Variants in OTOF observed in about 807,000 individuals in gnomAD.
OTOF encodes fer-1-like family member 2.
A neutral mutation model predicts 236.8 loss-of-function variants in OTOF; 218 were observed. The ratio of observed to expected loss-of-function variants is 0.92; its 90% CI spans 0.82 to 1.03. The LOEUF (loss-of-function observed/expected upper bound fraction) is 1.03. Among genes scored for constraint, OTOF ranks in the 50% least tolerant of loss-of-function variants. The pLI, the probability that OTOF is intolerant of heterozygous loss-of-function variation, is 0.00. For missense variants in OTOF, 2,590 were observed against 2,694.4 expected (o/e 0.96, Z 0.86); for synonymous variants, 1,041 against 1,072.5 (o/e 0.97, Z 0.57).
rs1333639499 is a variant in OTOF at position 26,477,444 on chromosome 2, T to G, written c.2378A>C (p.Glu793Ala). 4 of 1,598,788 alleles carry G rather than the reference T, an allele frequency of 2.5e-6. No individual in the cohort carries two copies. In the South Asian group the frequency reaches 4.5e-5, roughly 18 times the overall value. Residue 793 changes from glutamate (E) to alanine (A), a missense_variant, in exon 20 of 47, where the codon GAG becomes GCG. This residue lies in a region of OTOF where 1,379 missense variants were observed against 1,341.6 expected (regional missense o/e 1.03). Coordinates refer to ENST00000272371, the MANE Select transcript of OTOF (RefSeq NM_194248.3). The surrounding 1 kb of genome is among the most constrained non-coding windows in gnomAD (Gnocchi z 4.7). ...CTCCCTCATGCAGGACTTGAGGCGC[T>G]CCCGGTCAAGCCTGGTGCGGGATGA... is the stretch of plus-strand genomic sequence containing the variant. ...GHSSRTRLDR[E>A]RLKSCMRELE...
intron 36 of OTOF, 31 bp downstream of exon 36, chr2:26,466,682 CT>C: frequency 6.2e-6 from 10 of 1,613,764 alleles, no homozygotes; most frequent in Non-Finnish European, 8.5e-6. Flanking sequence ...GATGAGGAGA[CT>C]TGCAAGGAGG....
intron 40 of OTOF, 61 bp downstream of exon 40, chr2:26,463,903 A>G: frequency 1.9e-6 from 3 of 1,600,620 alleles, no homozygotes; most frequent in Admixed American, 1.7e-5. Context: ...TTACTGACTC[A>G]GGTTGGGGAT....
rs1664696622 is a variant in OTOF at position 26,465,785 on chromosome 2, A to G, written c.4686T>C (p.Tyr1562=). The G allele has an allele frequency of 6.2e-7, 1 of 1,614,194 alleles. No individual in the cohort carries two copies. Among genetic ancestry groups the G allele is most frequent in the Non-Finnish European group, 8.5e-7 (1 of 1,180,028 alleles). Residue 1562 remains tyrosine, a synonymous_variant, in exon 38 of 47, where the codon TAT becomes TAC. Transcript: ENST00000272371. The part of the protein sequence containing the change: ...PMESMLTVAV[Y]DWDLVGTDDL... ...CATCAGTGCCCACCAGGTCCCAGTC[A>G]TACACAGCCACCGTCAGCATGGATT...
intron 1 of OTOF, among the ~76,000 whole-genome samples, chr2:26,551,469 C>G (rs977355803): frequency 6.6e-6 from 1 of 152,236 alleles, no homozygotes; most frequent in African/African-American, 2.4e-5. Flanking sequence ...CTTCCCCTAA[C>G]TGACTCTGGC....
Position 26,489,738 on chromosome 2 carries a change from G to A in OTOF, c.900C>T (p.Tyr300=). 1.2e-6 allele frequency: 2 copies of A among 1,612,382 alleles called. No individual in the cohort carries two copies. Among genetic ancestry groups the A allele is most frequent in the Non-Finnish European group, 1.7e-6 (2 of 1,179,418 alleles). ...ESTNCPYYNE[Y]FVFDFHVSPD... Reference sequence around the variant, plus strand: ...GAGAGACATGGAAGTCGAAGACGAAGTACTGGAGGGGGAAGGATCCAGGCC... The same window carrying A: ...GAGAGACATGGAAGTCGAAGACGAAATACTGGAGGGGGAAGGATCCAGGCC... Residue 300 remains tyrosine, a splice_region_variant and synonymous_variant, in exon 10 of 47, where the codon TAC becomes TAT. Coordinates refer to ENST00000272371, the MANE Select transcript of OTOF (RefSeq NM_194248.3).
intron 5 of OTOF, among the ~76,000 whole-genome samples, chr2:26,509,965 T>C (rs1666341715): frequency 6.6e-6 from 1 of 152,164 alleles, no homozygotes; most frequent in South Asian, 2.1e-4. Context: ...CCACCTTGGC[T>C]ACCACTGCCC....
At chr2:26,538,174 G>A (rs1489212552) in intron 1 of OTOF, among the ~76,000 whole-genome samples, 1 of 152,210 alleles carries the variant, frequency 6.6e-6, no homozygotes, top group Non-Finnish European at 1.5e-5. Flanking sequence ...CTGAGCAGAA[G>A]CCTAGTATAG....
intron 24 of OTOF, 41 bp from the exon 25 acceptor site, chr2:26,475,534 G>GA: frequency 6.2e-7 from 1 of 1,605,348 alleles, no homozygotes; most frequent in South Asian, 1.1e-5. Context: ...AGTGACAGAG[G>GA]GGGGGGCAGA....
chr2:26,457,930 A>G lies in OTOF; in HGVS notation c.*308T>C, dbSNP rs1664263713. ...GGAGGCAGGCTCGGCCCAAGGCATG[A>G]AGAGTGGACGCTGGGCTCCTCAGGC... On this transcript the variant is annotated 3_prime_UTR_variant, in exon 47 of 47. Transcript: ENST00000272371. The surrounding 1 kb of genome is among the most constrained non-coding windows in gnomAD (Gnocchi z 4.4). 7 of 1,139,880 alleles carry G rather than the reference A, an allele frequency of 6.1e-6. No individual in the cohort carries two copies. Among genetic ancestry groups the G allele is most frequent in the Non-Finnish European group, 7.6e-6 (6 of 791,310 alleles). 70.6% of individuals were successfully genotyped at this position (1,139,880 alleles called of 1,614,324 possible).
In OTOF at chr2:26,476,328, G is replaced by A; in HGVS notation, c.2677-11C>T. ...CCGCTTCCCTGGCAGCTGGGGGTGG[G>A]CATGGGGTCACCAGGAGCCTGACGG... On this transcript the variant is annotated splice_polypyrimidine_tract_variant and intron_variant, in intron 22 of 46. Coordinates refer to ENST00000272371, the MANE Select transcript of OTOF (RefSeq NM_194248.3). 1 of 1,600,334 alleles carries A rather than the reference G, an allele frequency of 6.2e-7. No homozygotes were observed.
chr2:26,532,705 T>A (rs79930137), intron 2 of OTOF, among the ~76,000 whole-genome samples: 3,999 of 152,016 alleles, frequency 0.026, 156 homozygotes, highest in African/African-American at 0.09. Flanking sequence ...CGGGGAGTGC[T>A]GAGTCCTGAC....
At chr2:26,522,294 C>G (rs1443806316) in intron 3 of OTOF, among the ~76,000 whole-genome samples, 1 of 152,144 alleles carries the variant, frequency 6.6e-6, no homozygotes, top group African/African-American at 2.4e-5. Flanking sequence ...GTTTTATAAA[C>G]CTTGACTCTT....
At chr2:26,516,350 GACCAGGC>G in intron 5 of OTOF, 61 bp downstream of exon 5, 1 of 1,442,178 alleles carries the variant, frequency 6.9e-7, no homozygotes, top group Non-Finnish European at 9.6e-7. Flanking sequence ...CTGTCAGTAG[GACCAGGC>G]CCCAGGTCTC....
intron 5 of OTOF, among the ~76,000 whole-genome samples, chr2:26,513,784 C>T (rs1270942498): frequency 2.0e-5 from 3 of 152,238 alleles, no homozygotes; most frequent in African/African-American, 4.8e-5. Flanking sequence ...GAGGCACTGA[C>T]ACCCCTTCCC....
chr2:26,473,442 G>T lies in OTOF; in HGVS notation c.3534C>A (p.Asn1178Lys). 3.1e-6 allele frequency: 5 copies of T among 1,613,424 alleles called. No individual in the cohort carries two copies. The highest frequency in any genetic ancestry group is 4.2e-6 in the Non-Finnish European group (5 of 1,179,996). Residue 1178 changes from asparagine (N) to lysine (K), a missense_variant, in exon 28 of 47, where the codon AAC becomes AAA. Physicochemically the swap from Asn to Lys is moderately conservative, Grantham distance 94. Coordinates refer to ENST00000272371, the MANE Select transcript of OTOF (RefSeq NM_194248.3). This position sits in a 1 kb window ranked among gnomAD's most constrained non-coding sequence, Gnocchi z 7.2. ...ACTTGACGAGGGTGTTGAAGTTGGG[G>T]TTCTTCTTATAATTGTGGATCAGGG... ...QSSLIHNYKK[N>K]PNFNTLVKWF... is the part of the protein sequence containing the mutation.
intron 5 of OTOF, chr2:26,510,646 G>C: frequency 8.8e-7 from 1 of 1,134,330 alleles, no homozygotes; most frequent in Non-Finnish European, 1.2e-6. Flanking sequence ...AGCCTGTGGG[G>C]AGGAGGCCTC....
At chr2:26,484,398 C>T (rs1558492533) in intron 12 of OTOF, 76 bp downstream of exon 12, 2 of 1,536,030 alleles carry the variant, frequency 1.3e-6, no homozygotes, top group Non-Finnish European at 9.0e-7. Context: ...GTGCTCTCAG[C>T]AAACCCTCAC....
At chr2:26,475,781 G>A (rs1297997937) in intron 24 of OTOF, 133 bp downstream of exon 24, 6 of 1,215,032 alleles carry the variant, frequency 4.9e-6, no homozygotes, top group African/African-American at 1.5e-5. Flanking sequence ...CTTCCCCTGA[G>A]AAACCGGGGC....
chr2:26,516,296 G>A (rs1666522047), intron 5 of OTOF, 122 bp downstream of exon 5: 8 of 898,984 alleles, frequency 8.9e-6, no homozygotes, highest in Non-Finnish European at 1.4e-5. Flanking sequence ...TGTCTCTCCA[G>A]AAGCTCAGCC....
Sources: gnomAD v4.1 joint callset for allele counts (sites outside exome capture counted in the v4.1 genomes callset) on GRCh38, gnomAD v4.1.1 for gene constraint, gnomAD v4.1.1 regional missense constraint, Gnocchi (gnomAD v3.1) non-coding constraint, MANE v1.5 for transcripts, NCBI Gene and HGNC (gene_info 2026-07-23, HGNC 2026-07-21) for gene names.